ANAPC1: variants seen among roughly 807,000 people sequenced by gnomAD.
The protein encoded by ANAPC1 is anaphase-promoting complex subunit 1.
ANAPC1 carries 36 observed loss-of-function variants against 208.0 expected under a neutral mutation model. That is an observed-to-expected ratio of 0.17 (90% CI 0.13 to 0.23). ANAPC1 has a LOEUF of 0.23. Ranked by LOEUF, ANAPC1 falls within the 10% of genes least tolerant of loss-of-function variation. The probability of loss-of-function intolerance (pLI) is 1.00; values close to 1 mark genes in which losing one functional copy is unlikely to be tolerated. For synonymous variants in ANAPC1, 378 were observed against 695.2 expected (o/e 0.54, Z 7.18); for missense variants, 942 against 2,011.6 (o/e 0.47, Z 10.17).
At chr2:111,833,105 C>T (rs1680249086) in intron 20 of ANAPC1, 115 bp downstream of exon 20, 4 of 1,377,360 alleles carry the variant, frequency 2.9e-6, no homozygotes, top group East Asian at 2.6e-5. Flanking sequence ...TGGAAAGGCA[C>T]TGCCCCTGAC....
intron 43 of ANAPC1, among the ~76,000 whole-genome samples, chr2:111,781,724 T>C (rs1220515418): frequency 1.3e-5 from 2 of 152,256 alleles, no homozygotes; most frequent in Non-Finnish European, 2.9e-5. Context: ...TCAGAAGTCT[T>C]AATGCCTGAT....
chr2:111,831,826 C>CAAA (rs34008628), intron 20 of ANAPC1, among the ~76,000 whole-genome samples: 4 of 28,986 alleles, frequency 1.4e-4, no homozygotes, highest in Admixed American at 8.4e-4. Context: ...GACTCTGTCT[C>CAAA]AAAAAAAAAA....
chr2:111,798,951 G>A (rs1328663679), intron 34 of ANAPC1, among the ~76,000 whole-genome samples: 3 of 151,236 alleles, frequency 2.0e-5, no homozygotes, highest in Non-Finnish European at 3.0e-5. Flanking sequence ...GGAGAATGGC[G>A]TGAACCTGGG....
intron 3 of ANAPC1, among the ~76,000 whole-genome samples, chr2:111,874,262 C>T (rs1178228189): frequency 6.6e-6 from 1 of 152,180 alleles, no homozygotes; most frequent in African/African-American, 2.4e-5. Context: ...TGGTCAAATA[C>T]ACACAATATG....
chr2:111,878,754 C>T, intron 3 of ANAPC1, 56 bp downstream of exon 3: 1 of 1,599,726 alleles, frequency 6.3e-7, no homozygotes, highest in Non-Finnish European at 8.5e-7. Context: ...TAAAACAAAA[C>T]TTTTTTTTAA....
intron 1 of ANAPC1, 59 bp from the exon 2 acceptor site, chr2:111,880,908 C>T: frequency 6.5e-6 from 9 of 1,376,472 alleles, no homozygotes; most frequent in Non-Finnish European, 8.1e-6. Flanking sequence ...AATAAAAATA[C>T]CATAAACACA....
chr2:111,815,975 A>G (rs1294489811), intron 27 of ANAPC1, among the ~76,000 whole-genome samples: 3 of 152,226 alleles, frequency 2.0e-5, no homozygotes, highest in Non-Finnish European at 2.9e-5. Context: ...AGAGAGCTTA[A>G]AAACCAAAAT....
rs138916189 is a variant in ANAPC1, at chr2:111,777,941, C to T, written c.5385+734G>A. Among the ~76,000 whole-genome samples, 592 of 152,334 alleles carry T rather than the reference C, an allele frequency of 3.9e-3. 4 individuals carry two copies. In the East Asian group the frequency reaches 0.085, roughly 22 times the overall value. On this transcript the variant is annotated intron_variant, in intron 45 of 47. Transcript: ENST00000341068. ...GTTTAAAACTAGATTCTGGATCTCA[C>T]CCCAGAAATTCTGATTCAATAGATG...
rs188405347 is a variant in ANAPC1, at chr2:111,870,698, T to C, written c.611+1932A>G. Among the ~76,000 whole-genome samples, 17 of 152,362 alleles carry C rather than the reference T, an allele frequency of 1.1e-4. No individual in the cohort carries two copies. In the East Asian group the frequency reaches 2.9e-3, roughly 26 times the overall value. Reference sequence around the variant, plus strand: ...TTTGCTGTGCAGAAGCTTTTTATTTTAATTAGGTCCCATTTATTTATTGTT... The same window carrying C: ...TTTGCTGTGCAGAAGCTTTTTATTTCAATTAGGTCCCATTTATTTATTGTT... On this transcript the variant is annotated intron_variant, in intron 6 of 47. Coordinates refer to ENST00000341068, the MANE Select transcript of ANAPC1 (RefSeq NM_022662.4).
In ANAPC1 at chr2:111,843,558, C is replaced by G; in HGVS notation, c.1894G>C (p.Glu632Gln). Residue 632 changes from glutamate to glutamine, a missense_variant, in exon 17 of 48, where the codon GAA (glutamate) becomes CAA (glutamine). Coordinates refer to ENST00000341068, the MANE Select transcript of ANAPC1 (RefSeq NM_022662.4). ...LQAIKFILPK[E>Q]IAVQMLVKWY... Reference sequence around the variant, plus strand: ...TTGACAAGCATCTGAACTGCTATTTCTTTTGGCAGGATAAACTTAATTGCT... The same window carrying G: ...TTGACAAGCATCTGAACTGCTATTTGTTTTGGCAGGATAAACTTAATTGCT... 1 of 1,611,834 alleles carries G rather than the reference C, an allele frequency of 6.2e-7. No individual in the cohort carries two copies. The highest frequency in any genetic ancestry group is 8.5e-7 in the Non-Finnish European group (1 of 1,179,776).
At chr2:111,871,637 A>T (rs1230494674) in intron 6 of ANAPC1, among the ~76,000 whole-genome samples, 1 of 152,142 alleles carries the variant, frequency 6.6e-6, no homozygotes, top group African/African-American at 2.4e-5. Context: ...CTGTAATCCC[A>T]GTTACTCAGG....
rs1304423828 is a variant in ANAPC1, at chr2:111,767,759, TA to T, written c.*1531del. ...AATCTTGATTCAAATGGAATTTTCA[TA>T]ATCTACCACTTAAAATTTATTTTTA... is the stretch of plus-strand genomic sequence containing the variant. On this transcript the variant is annotated 3_prime_UTR_variant, in exon 48 of 48. Coordinates refer to ENST00000341068, the MANE Select transcript of ANAPC1 (RefSeq NM_022662.4). The T allele has an allele frequency of 6.6e-6, 1 of 151,004 alleles. No individual in the cohort carries two copies. Among genetic ancestry groups the T allele is most frequent in the Non-Finnish European group, 1.5e-5 (1 of 67,846 alleles). The allele number at this position is 151,004 out of a possible 1,614,324, so 9.4% of individuals were successfully genotyped here.
chr2:111,866,244 G>A (rs1345315493), intron 7 of ANAPC1: 2 of 361,548 alleles, frequency 5.5e-6, no homozygotes, highest in Admixed American at 6.4e-5. Context: ...TGTGGTGGAG[G>A]CCGCAGCAGT....
chr2:111,837,684 T>C (rs1262619458), intron 18 of ANAPC1, among the ~76,000 whole-genome samples: 1 of 152,214 alleles, frequency 6.6e-6, no homozygotes, highest in East Asian at 1.9e-4. Flanking sequence ...GAGTGTAGGT[T>C]ACATGAGTGT....
Position 111,823,070 on chromosome 2 carries a change from C to T in ANAPC1, c.2813-470G>A, listed in dbSNP as rs561467571. ...TGTCGCCCAGGATGGAGTGCAGTGG[C>T]GCGATCTTGGCTCACTGCAAGCTCC... is the stretch of plus-strand genomic sequence containing the variant. On this transcript the variant is annotated intron_variant, in intron 24 of 47. Transcript: ENST00000341068. 1.4e-4 allele frequency among the ~76,000 whole-genome samples: 18 copies of T among 124,394 alleles called. No homozygotes were observed. The East Asian group carries it at 4.3e-3, about 30-fold the overall frequency. The allele number at this position is 124,394 out of a possible 152,430, so 81.6% of individuals were successfully genotyped here. A position where few individuals can be genotyped will look rare whatever the true frequency, so the allele number is the denominator to read the frequency against.
At chr2:111,811,114 C>G (rs1263575179) in intron 28 of ANAPC1, among the ~76,000 whole-genome samples, 1 of 152,110 alleles carries the variant, frequency 6.6e-6, no homozygotes, top group African/African-American at 2.4e-5. Context: ...GCCAAGGGTA[C>G]ATCCGAAGGA....
At position 111,833,314 on chromosome 2, in the gene ANAPC1, A is replaced by G. The variant is rs1306318577; in HGVS notation, c.2385-3T>C. The stretch of plus-strand genomic sequence containing the variant: ...CATAAGGCCCCAATTTTAAGTCCCT[A>G]AAACAGTAAGGGCATGTAAAAAAGA... On this transcript the variant is annotated splice_polypyrimidine_tract_variant and splice_region_variant and intron_variant, in intron 19 of 47. Transcript: ENST00000341068. The G allele has an allele frequency of 1.3e-6, 2 of 1,585,694 alleles. No homozygotes were observed. Among genetic ancestry groups the G allele is most frequent in the Non-Finnish European group, 1.7e-6 (2 of 1,159,880 alleles).
chr2:111,783,723 C>G (rs1477952707), intron 42 of ANAPC1, among the ~76,000 whole-genome samples, 174 bp downstream of exon 42: 1 of 152,276 alleles, frequency 6.6e-6, no homozygotes, highest in Non-Finnish European at 1.5e-5. Context: ...TTTTCTAACA[C>G]AAGTCCTGTT....
chr2:111,823,336 T>C (rs1262301957), intron 24 of ANAPC1, among the ~76,000 whole-genome samples: 1 of 152,016 alleles, frequency 6.6e-6, no homozygotes, highest in Non-Finnish European at 1.5e-5. Context: ...ATAATGCTTA[T>C]CCATAGCCAA....
Sources: allele counts gnomAD v4.1 joint callset (sites outside exome capture counted in the v4.1 genomes callset), GRCh38; gene constraint gnomAD v4.1.1; transcripts MANE v1.5; gene names NCBI Gene and HGNC (gene_info 2026-07-23, HGNC 2026-07-21).